The following EPB41 variants were observed in gnomAD, a reference collection of about 807,000 sequenced individuals.
The protein encoded by EPB41 is protein 4.1.
In EPB41, 65 loss-of-function variants were observed where a neutral mutation model predicts 108.0. That is an observed-to-expected ratio of 0.60 (90% CI 0.49 to 0.74). EPB41 has a LOEUF of 0.74. EPB41 is among the 30% of genes least tolerant of loss of function. EPB41 has a pLI of 0.00. For synonymous variants in EPB41, 336 were observed against 358.9 expected (o/e 0.94, Z 0.72); for missense variants, 875 against 1,037.0 (o/e 0.84, Z 2.15).
intron 18 of EPB41, chr1:29,109,850 A>G (rs781707714): frequency 3.7e-6 from 1 of 273,450 alleles, no homozygotes; most frequent in Non-Finnish European, 7.3e-6. Flanking sequence ...CCTGACCAAC[A>G]TGGTAAAACC....
chr1:29,068,409 A>G (rs1649511560), intron 16 of EPB41, among the ~76,000 whole-genome samples: 1 of 152,172 alleles, frequency 6.6e-6, no homozygotes, highest in Non-Finnish European at 1.5e-5. Context: ...ACCTTTCAGA[A>G]ATCTTCTCAG....
chr1:29,062,019 C>T (rs946568605), intron 15 of EPB41, among the ~76,000 whole-genome samples: 4 of 152,206 alleles, frequency 2.6e-5, no homozygotes, highest in African/African-American at 9.6e-5. Flanking sequence ...TATGCCCAGC[C>T]TTCATTAAAC....
At chr1:28,952,004 T>A (rs2094746297) in intron 1 of EPB41, among the ~76,000 whole-genome samples, 1 of 152,166 alleles carries the variant, frequency 6.6e-6, no homozygotes, top group Admixed American at 6.6e-5. Context: ...TGACCTTGCC[T>A]CCTCACTTGT....
chr1:28,915,115 A>T (rs1461993457), intron 1 of EPB41, among the ~76,000 whole-genome samples: 19 of 152,084 alleles, frequency 1.2e-4, no homozygotes, highest in Non-Finnish European at 2.6e-4. Context: ...AGGAAACCAA[A>T]TGCGGAGAAT....
intron 1 of EPB41, among the ~76,000 whole-genome samples, chr1:28,970,331 A>C (rs1416928287): frequency 6.6e-6 from 1 of 152,216 alleles, no homozygotes; most frequent in Non-Finnish European, 1.5e-5. Context: ...TTTCTGGTTA[A>C]AGTGAAATTT....
intron 11 of EPB41, among the ~76,000 whole-genome samples, chr1:29,047,794 G>T (rs2993717): frequency 0.81 from 122,111 of 151,568 alleles, 49,711 homozygotes; most frequent in Middle Eastern, 0.87. Flanking sequence ...ATGTATGTAT[G>T]TATTTATTTT....
intron 16 of EPB41, chr1:29,070,185 A>G: frequency 2.4e-6 from 1 of 413,618 alleles, no homozygotes; most frequent in Non-Finnish European, 4.1e-6. Context: ...TGAGCACCCT[A>G]TTGTGTTACA....
intron 19 of EPB41, among the ~76,000 whole-genome samples, chr1:29,113,564 G>C (rs1290124069): frequency 6.6e-6 from 1 of 152,214 alleles, no homozygotes; most frequent in African/African-American, 2.4e-5. Context: ...TACGTGCTCA[G>C]TCTGCACTAG....
chr1:28,892,441 G>A (rs2090219164), intron 1 of EPB41, among the ~76,000 whole-genome samples: 1 of 152,134 alleles, frequency 6.6e-6, no homozygotes, highest in South Asian at 2.1e-4. Context: ...TAAAAACGAG[G>A]CCAGGCGTGG....
Position 29,065,003 on chromosome 1 carries a change from G to A in EPB41, c.2029G>A (p.Glu677Lys). The change falls in exon 16 of 21, where the codon GAG (glutamate) becomes AAG (lysine). Residue 677 changes from glutamate to lysine, a missense_variant. Physicochemically the swap from Glu to Lys is moderately conservative, Grantham distance 56 (BLOSUM62 1). Coordinates refer to ENST00000343067, the MANE Select transcript of EPB41 (RefSeq NM_001376013.1). ...GTAGGATTTAGACAAGAGTCAAGAG[G>A]AGATCAAAAAACATCATGCCAGCAT... ...MLEDLDKSQE[E>K]IKKHHASISE... 6.2e-7 allele frequency: 1 copy of A among 1,614,038 alleles called. No individual in the cohort carries two copies. The highest frequency in any genetic ancestry group is 8.5e-7 in the Non-Finnish European group (1 of 1,179,994).
intron 1 of EPB41, among the ~76,000 whole-genome samples, chr1:28,899,215 C>T (rs1234420418): frequency 6.6e-6 from 1 of 152,160 alleles, no homozygotes; most frequent in Non-Finnish European, 1.5e-5. Flanking sequence ...AGAGTGGCAC[C>T]GATTTTACCA....
At chr1:28,934,628 T>C (rs2093904530) in intron 1 of EPB41, among the ~76,000 whole-genome samples, 1 of 149,152 alleles carries the variant, frequency 6.7e-6, no homozygotes, top group Admixed American at 6.8e-5. Context: ...GCTTTGGCCA[T>C]CAGGTGCTCT....
chr1:28,912,385 G>T (rs1464364990), upstream of EPB41, among the ~76,000 whole-genome samples: 1 of 152,068 alleles, frequency 6.6e-6, no homozygotes, highest in Non-Finnish European at 1.5e-5. Flanking sequence ...ATAGTCAGGT[G>T]GTTTTCAAGG....
intron 16 of EPB41, among the ~76,000 whole-genome samples, chr1:29,077,072 A>T (rs922849732): frequency 1.3e-5 from 2 of 152,216 alleles, no homozygotes; most frequent in African/African-American, 4.8e-5. Context: ...AATCTCTTGT[A>T]CTGGCACATA....
In EPB41 at chr1:29,119,300, G is replaced by C. The variant is rs958030713; in HGVS notation, c.*2488G>C. The stretch of plus-strand genomic sequence containing the variant: ...TTTTTCTTTCTGCAGTTGTGTGTAT[G>C]TGTGTTTGTGTGAAGAAAAACAGAC... On this transcript the variant is annotated 3_prime_UTR_variant, in exon 21 of 21. Transcript: ENST00000343067. 1.4e-4 allele frequency: 22 copies of C among 152,548 alleles called. No homozygotes were observed. The highest frequency in any genetic ancestry group is 5.9e-5 in the Non-Finnish European group (4 of 68,040). 9.4% of individuals were successfully genotyped at this position (152,548 alleles called of 1,614,324 possible).
chr1:28,890,289 C>T (rs7523678), intron 1 of EPB41, among the ~76,000 whole-genome samples: 3,694 of 152,064 alleles, frequency 0.024, 147 homozygotes, highest in African/African-American at 0.084. Context: ...CTGCCCACCT[C>T]GGCCTCCCAA....
Position 28,982,346 on chromosome 1 carries a change from T to C in EPB41, c.-7-5085T>C, listed in dbSNP as rs377416738. 274 of 671,404 alleles carry C rather than the reference T, an allele frequency of 4.1e-4. No individual in the cohort carries two copies. The African/African-American group carries it at 4.2e-3, about 10-fold the overall frequency. The allele number at this position is 671,404 out of a possible 1,614,324, so 41.6% of individuals were successfully genotyped here. A position where few individuals can be genotyped will look rare whatever the true frequency, so the allele number is the denominator to read the frequency against. On this transcript the variant is annotated intron_variant, in intron 1 of 20. Transcript: ENST00000343067. ...TTTTATCTCTTTTCAAACTTGACCT[T>C]GGCCTCTCGTCGGGCTTTGGGCATT...
rs150695029 is a variant in EPB41 at position 29,032,506 on chromosome 1, T to C, written c.1213-587T>C. On this transcript the variant is annotated intron_variant, in intron 8 of 20. Coordinates refer to ENST00000343067, the MANE Select transcript of EPB41 (RefSeq NM_001376013.1). Reference sequence around the variant, plus strand: ...TCTATACTCATTTTGGGGGAAAGAGTAGTCAAGAAGCATTTAACTTTGTGT... The same window carrying C: ...TCTATACTCATTTTGGGGGAAAGAGCAGTCAAGAAGCATTTAACTTTGTGT... Among the ~76,000 whole-genome samples, 21 of 152,204 alleles carry C rather than the reference T, an allele frequency of 1.4e-4. No individual in the cohort carries two copies. In the East Asian group the frequency reaches 4.1e-3, roughly 29 times the overall value.
At chr1:29,034,696 GTAT>G (rs1032891083) in intron 9 of EPB41, among the ~76,000 whole-genome samples, 2 of 152,106 alleles carry the variant, frequency 1.3e-5, no homozygotes, top group Non-Finnish European at 2.9e-5. Flanking sequence ...TTTTGCTTCA[GTAT>G]AAGAGGAATC....
Sources: gnomAD v4.1 joint callset for allele counts (sites outside exome capture counted in the v4.1 genomes callset) on GRCh38, gnomAD v4.1.1 for gene constraint, MANE v1.5 for transcripts, NCBI Gene and HGNC (gene_info 2026-07-23, HGNC 2026-07-21) for gene names.